Variants in GRK3 observed in about 807,000 individuals in gnomAD.
The protein encoded by GRK3 is G protein-coupled receptor kinase 3.
A neutral mutation model predicts 95.7 loss-of-function variants in GRK3; 54 were observed. That is an observed-to-expected ratio of 0.56 (90% CI 0.45 to 0.71). The LOEUF (loss-of-function observed/expected upper bound fraction) is 0.71, where lower values mean the gene tolerates loss of function less well. Among genes scored for constraint, GRK3 ranks in the 30% least tolerant of loss-of-function variants. The probability of loss-of-function intolerance (pLI) is 0.00; values close to 1 mark genes in which losing one functional copy is unlikely to be tolerated. For missense variants in GRK3, 649 were observed against 851.2 expected (o/e 0.76, Z 2.96); for synonymous variants, 281 against 290.8 (o/e 0.97, Z 0.34).
intron 1 of GRK3, among the ~76,000 whole-genome samples, chr22:25,591,166 G>T (rs1291648796): frequency 1.3e-5 from 2 of 152,100 alleles, no homozygotes; most frequent in African/African-American, 2.4e-5. Context: ...GGTGTGCTGT[G>T]TCACTAGAAC....
At chr22:25,694,799 T>C (rs1176239134) in intron 12 of GRK3, among the ~76,000 whole-genome samples, 2 of 152,184 alleles carry the variant, frequency 1.3e-5, no homozygotes, top group African/African-American at 4.8e-5. Flanking sequence ...ACATGAGAGC[T>C]CCTGAAACGG....
chr22:25,709,959 C>A lies in GRK3; in HGVS notation c.1390C>A (p.Gln464Lys). The A allele has an allele frequency of 1.2e-6, 2 of 1,611,852 alleles. No individual in the cohort carries two copies. Among genetic ancestry groups the A allele is most frequent in the East Asian group, 4.5e-5 (2 of 44,876 alleles). Residue 464 changes from glutamine (Q) to lysine (K), a missense_variant, in exon 16 of 21, where the codon CAA (glutamine) becomes AAA (lysine). Transcript: ENST00000324198. ...KGVDWQHVYL[Q>K]KYPPPLIPPR... ...TGTTGACTGGCAGCATGTCTACTTA[C>A]AAAAGGTACTCACTCCCTCTTGACT...
At chr22:25,707,697 G>C (rs2085310816) in intron 15 of GRK3, among the ~76,000 whole-genome samples, 1 of 152,178 alleles carries the variant, frequency 6.6e-6, no homozygotes, top group South Asian at 2.1e-4. Flanking sequence ...CTGGGCACTG[G>C]GTTTGGTTAT....
At chr22:25,707,334 A>G (rs1287031954) in intron 15 of GRK3, among the ~76,000 whole-genome samples, 1 of 152,226 alleles carries the variant, frequency 6.6e-6, no homozygotes, top group Admixed American at 6.5e-5. Context: ...GGAACCCAAT[A>G]AGAAAATCAC....
intron 1 of GRK3, among the ~76,000 whole-genome samples, chr22:25,571,991 A>G (rs756972604): frequency 6.6e-6 from 1 of 151,958 alleles, no homozygotes; most frequent in East Asian, 1.9e-4. Context: ...ATTTCTCCCA[A>G]TGCTATCCCT....
intron 12 of GRK3, among the ~76,000 whole-genome samples, chr22:25,692,826 G>A (rs1225342678): frequency 6.6e-6 from 1 of 152,234 alleles, no homozygotes. Flanking sequence ...TTTACGCTGT[G>A]TGGATGAACT....
chr22:25,648,428 A>C (rs2146387344), intron 3 of GRK3: 1 of 1,286,040 alleles, frequency 7.8e-7, no homozygotes, highest in South Asian at 1.2e-5. Flanking sequence ...TCCCTTGATA[A>C]TCTTTGCGAC....
chr22:25,713,287 C>G (rs2085358717), intron 17 of GRK3, among the ~76,000 whole-genome samples: 1 of 152,126 alleles, frequency 6.6e-6, no homozygotes. Flanking sequence ...ACCTCCAGTC[C>G]CATTCAGAGC....
intron 16 of GRK3, among the ~76,000 whole-genome samples, chr22:25,710,449 C>CATG (rs2085335378): frequency 6.6e-6 from 1 of 152,164 alleles, no homozygotes; most frequent in Admixed American, 6.5e-5. Flanking sequence ...TTTATATCAG[C>CATG]ATGATTTCCT....
chr22:25,694,139 G>C lies in GRK3; in HGVS notation c.1053-968G>C, dbSNP rs879755833. Among the ~76,000 whole-genome samples, 53 of 152,268 alleles carry C rather than the reference G, an allele frequency of 3.5e-4. No homozygotes were observed. The Middle Eastern group carries it at 0.014, about 39-fold the overall frequency. ...GCACAGAGATGCAAATCCCCAACAC[G>C]AATCCAGTGGCTGCTGTATGTGGCC... On this transcript the variant is annotated intron_variant, in intron 12 of 20. Transcript: ENST00000324198.
intron 8 of GRK3, among the ~76,000 whole-genome samples, chr22:25,674,947 G>C (rs62226222): frequency 6.6e-6 from 1 of 150,942 alleles, no homozygotes. Context: ...ACTCTGTCTT[G>C]GAAAAAAAAA....
chr22:25,699,954 T>C (rs947221644), intron 13 of GRK3, among the ~76,000 whole-genome samples: 1 of 152,218 alleles, frequency 6.6e-6, no homozygotes, highest in Non-Finnish European at 1.5e-5. Context: ...CGCCTCGGCC[T>C]CCCAAAGTGC....
At chr22:25,645,870 G>A (rs1253554939) in intron 3 of GRK3, among the ~76,000 whole-genome samples, 1 of 151,440 alleles carries the variant, frequency 6.6e-6, no homozygotes, top group African/African-American at 2.4e-5. Flanking sequence ...GCAGTGAGCC[G>A]AGGTGGCACC....
At chr22:25,638,155 G>A (rs1462284839) in intron 2 of GRK3, among the ~76,000 whole-genome samples, 1 of 152,158 alleles carries the variant, frequency 6.6e-6, no homozygotes, top group Non-Finnish European at 1.5e-5. Context: ...CACCTAACAT[G>A]ATACAACTAG....
intron 3 of GRK3, among the ~76,000 whole-genome samples, chr22:25,657,605 T>C (rs1056663230): frequency 6.6e-5 from 10 of 152,156 alleles, no homozygotes; most frequent in African/African-American, 2.4e-4. Context: ...TGATTATTTT[T>C]TTCCCTCATT....
chr22:25,721,525 G>A (rs1454422933), intron 20 of GRK3, 128 bp downstream of exon 20: 4 of 580,458 alleles, frequency 6.9e-6, no homozygotes, highest in African/African-American at 2.0e-5. Flanking sequence ...AAAGCCCCAA[G>A]GTACAAGGTT....
Position 25,661,646 on chromosome 22 carries a change from A to C in GRK3, c.335A>C (p.Tyr112Ser). 6.2e-7 allele frequency: 1 copy of C among 1,611,846 alleles called. No homozygotes were observed. Among genetic ancestry groups the C allele is most frequent in the Non-Finnish European group, 8.5e-7 (1 of 1,178,252 alleles). Reference protein sequence around the residue: ...LCRSRQIYDAYIMKELLSCSH... With the variant: ...LCRSRQIYDASIMKELLSCSH... ...AGAAGTCGACAAATTTATGATGCCT[A>C]CATCATGAAGGAACTTCTTTCCTGT... The change falls in exon 4 of 21, where the codon TAC (tyrosine) becomes TCC (serine). Residue 112 changes from tyrosine (Y) to serine (S), a missense_variant. Physicochemically the swap from Tyr to Ser is moderately radical, Grantham distance 144. This residue lies in a region of GRK3 where 206 missense variants were observed against 231.4 expected (regional missense o/e 0.89). Coordinates refer to ENST00000324198, the MANE Select transcript of GRK3 (RefSeq NM_005160.4).
chr22:25,680,051 T>C (rs1427596427), intron 9 of GRK3, among the ~76,000 whole-genome samples: 1 of 152,244 alleles, frequency 6.6e-6, no homozygotes, highest in Admixed American at 6.5e-5. Flanking sequence ...TTATAGGCTG[T>C]ATGTTTTTTC....
At chr22:25,640,820 T>G (rs1348853958) in intron 2 of GRK3, among the ~76,000 whole-genome samples, 7 of 152,314 alleles carry the variant, frequency 4.6e-5, no homozygotes, top group Admixed American at 2.0e-4. Flanking sequence ...GGTTCAAATA[T>G]AGCAACAAAG....
Sources: gnomAD v4.1 joint callset for allele counts (sites outside exome capture counted in the v4.1 genomes callset) on GRCh38, gnomAD v4.1.1 for gene constraint, gnomAD v4.1.1 regional missense constraint, MANE v1.5 for transcripts, NCBI Gene and HGNC (gene_info 2026-07-23, HGNC 2026-07-21) for gene names.